The following MYRIP variants were observed in gnomAD, a reference collection of about 807,000 sequenced individuals.
The protein encoded by MYRIP is myosin VIIA and Rab interacting protein, also known as rab effector MyRIP.
MYRIP carries 49 observed loss-of-function variants against 98.0 expected under a neutral mutation model. The ratio of observed to expected loss-of-function variants is 0.50; its 90% CI spans 0.40 to 0.63. MYRIP has a LOEUF of 0.63. MYRIP is among the 30% of genes least tolerant of loss of function. The pLI is 0.00. For synonymous variants in MYRIP, 404 were observed against 409.5 expected (o/e 0.99, Z 0.16); for missense variants, 1,004 against 1,058.2 (o/e 0.95, Z 0.71).
At chr3:40,115,202 C>T (rs958145493) in intron 3 of MYRIP, among the ~76,000 whole-genome samples, 4 of 152,056 alleles carry the variant, frequency 2.6e-5, no homozygotes, top group Non-Finnish European at 4.4e-5. Flanking sequence ...ATGTCTCATT[C>T]CTACTCTCTG....
chr3:40,091,777 C>T (rs1318555122), intron 3 of MYRIP, among the ~76,000 whole-genome samples: 3 of 152,148 alleles, frequency 2.0e-5, no homozygotes, highest in Non-Finnish European at 4.4e-5. Flanking sequence ...CTGCAGGATT[C>T]TTGTCCAAGC....
chr3:39,856,712 C>A (rs1942305571), intron 1 of MYRIP, among the ~76,000 whole-genome samples: 1 of 152,168 alleles, frequency 6.6e-6, no homozygotes, highest in East Asian at 1.9e-4. Flanking sequence ...CACATGCCCA[C>A]AGAAACAACT....
Position 40,029,789 on chromosome 3 carries a change from G to C in MYRIP, c.111-14261G>C, listed in dbSNP as rs560350751. Among the ~76,000 whole-genome samples, 21 of 152,052 alleles carry C rather than the reference G, an allele frequency of 1.4e-4. 1 individual carries two copies. Among genetic ancestry groups the C allele is most frequent in the Admixed American group, 1.2e-3 (19 of 15,256 alleles). On this transcript the variant is annotated intron_variant, in intron 2 of 16. Coordinates refer to ENST00000302541, the MANE Select transcript of MYRIP (RefSeq NM_015460.4). ...TATAGAAATGGGCCACCTGGTCCTG[G>C]TGGCTCATGCCTGTAATCCCAGTGC...
intron 3 of MYRIP, among the ~76,000 whole-genome samples, chr3:40,052,227 T>C (rs1179171095): frequency 6.6e-6 from 1 of 152,118 alleles, no homozygotes; most frequent in Non-Finnish European, 1.5e-5. Context: ...ACCGAAATTC[T>C]ACTCTCTACC....
intron 3 of MYRIP, among the ~76,000 whole-genome samples, chr3:40,133,826 A>C (rs911024902): frequency 1.3e-5 from 2 of 152,348 alleles, no homozygotes; most frequent in South Asian, 4.1e-4. Flanking sequence ...TGCTATAAAG[A>C]CACCCATCTA....
At chr3:40,188,220 T>C (rs942349673) in intron 9 of MYRIP, among the ~76,000 whole-genome samples, 12 of 152,210 alleles carry the variant, frequency 7.9e-5, no homozygotes, top group Non-Finnish European at 1.8e-4. Flanking sequence ...TACAATGCTC[T>C]GTGGGCAGCA....
intron 1 of MYRIP, among the ~76,000 whole-genome samples, chr3:39,846,386 CT>C (rs1359249431): frequency 3.3e-5 from 5 of 152,224 alleles, no homozygotes; most frequent in African/African-American, 1.2e-4. Flanking sequence ...TCGTCTGACC[CT>C]GTCTCCCACC....
rs1953302314 is a variant in MYRIP, at chr3:40,249,357, G to A, written c.2263-865G>A. Reference sequence around the variant, plus strand: ...ACATCCTCTCAGACTGTGGCAATGTGACGAGAGCATGGCCACTGACATGAA... The same window carrying A: ...ACATCCTCTCAGACTGTGGCAATGTAACGAGAGCATGGCCACTGACATGAA... On this transcript the variant is annotated intron_variant, in intron 13 of 16. Transcript: ENST00000302541. Among the ~76,000 whole-genome samples, 3 of 152,174 alleles carry A rather than the reference G, an allele frequency of 2.0e-5. No individual in the cohort carries two copies. In the South Asian group the frequency reaches 6.2e-4, roughly 32 times the overall value.
In MYRIP at chr3:40,250,430, T is replaced by C. The variant is rs372439392; in HGVS notation, c.2368-9T>C. The C allele has an allele frequency of 1.5e-5, 25 of 1,614,164 alleles. No individual in the cohort carries two copies. The highest frequency in any genetic ancestry group is 2.0e-5 in the Non-Finnish European group (24 of 1,179,980). ...CAAAGGTATATTGCTCATTGTGTTC[T>C]GTTTGTAGGTACAAACCATAGATAC... On this transcript the variant is annotated splice_polypyrimidine_tract_variant and intron_variant, in intron 14 of 16. Transcript: ENST00000302541.
chr3:39,941,487 GTA>G (rs1175989699), intron 2 of MYRIP, among the ~76,000 whole-genome samples: 3 of 147,546 alleles, frequency 2.0e-5, no homozygotes, highest in Non-Finnish European at 3.0e-5. Flanking sequence ...TTTTAAAAAT[GTA>G]TGTGTGTGTG....
At position 40,182,361 on chromosome 3, in the gene MYRIP, C is replaced by T. The variant is rs756700538; in HGVS notation, c.1015C>T (p.Leu339=). ...GCCCAGCTGGAAGAGTGTGGACAGG[C>T]TGGATGAAACAAGTAACTGTTTTAA... The part of the protein sequence containing the change: ...ALPSWKSVDR[L]DETNLAPVLQ... The change falls in exon 9 of 17, where the codon CTG becomes TTG. Residue 339 remains leucine (L), a synonymous_variant. Coordinates refer to ENST00000302541, the MANE Select transcript of MYRIP (RefSeq NM_015460.4). 1 of 1,612,156 alleles carries T rather than the reference C, an allele frequency of 6.2e-7. No homozygotes were observed.
chr3:39,949,334 G>A (rs1016202726), intron 2 of MYRIP, among the ~76,000 whole-genome samples: 1 of 152,098 alleles, frequency 6.6e-6, no homozygotes, highest in Admixed American at 6.6e-5. Context: ...CCCTTGTCCT[G>A]TTAGAAATGA....
chr3:40,090,981 T>C (rs1408417596), intron 3 of MYRIP, among the ~76,000 whole-genome samples: 1 of 152,070 alleles, frequency 6.6e-6, no homozygotes, highest in Non-Finnish European at 1.5e-5. Context: ...CTTCAGGAGG[T>C]CCATATGTGT....
At chr3:40,245,522 G>A (rs967510035) in intron 13 of MYRIP, among the ~76,000 whole-genome samples, 19 of 151,530 alleles carry the variant, frequency 1.3e-4, no homozygotes, top group Admixed American at 4.6e-4. Context: ...GGTGGCGGGC[G>A]CCTGTAGTCC....
At chr3:40,240,343 C>G (rs1952968862) in intron 12 of MYRIP, among the ~76,000 whole-genome samples, 1 of 152,178 alleles carries the variant, frequency 6.6e-6, no homozygotes, top group Non-Finnish European at 1.5e-5. Context: ...GTGAGCGATG[C>G]AGAAGACGGG....
chr3:39,816,433 C>T lies in MYRIP; in HGVS notation c.-31+6517C>T, dbSNP rs550495349. On this transcript the variant is annotated intron_variant, in intron 1 of 16. Transcript: ENST00000302541. ...CAACCTATCCTGAGAGTAAACTCCC[C>T]TTGTAGGTATTTTTCTTTCTTCTCT... Among the ~76,000 whole-genome samples the T allele has an allele frequency of 2.6e-5, 4 of 152,262 alleles. No homozygotes were observed. In the South Asian group the frequency reaches 6.2e-4, roughly 24 times the overall value.
intron 1 of MYRIP, among the ~76,000 whole-genome samples, chr3:39,881,701 T>C (rs1248274390): frequency 4.6e-5 from 7 of 152,142 alleles, no homozygotes; most frequent in African/African-American, 1.7e-4. Context: ...GCTTCACCCT[T>C]TATCTTCATT....
At chr3:39,927,998 A>AT (rs1944455814) in intron 2 of MYRIP, among the ~76,000 whole-genome samples, 1 of 152,030 alleles carries the variant, frequency 6.6e-6, no homozygotes. Context: ...TATGAGAAAC[A>AT]CCCTCAACAA....
chr3:40,077,129 T>C (rs1157978798), intron 3 of MYRIP, among the ~76,000 whole-genome samples: 1 of 152,144 alleles, frequency 6.6e-6, no homozygotes, highest in African/African-American at 2.4e-5. Flanking sequence ...TCTGGCGGGT[T>C]CGTGGTCTCG....
Sources: allele counts gnomAD v4.1 joint callset (sites outside exome capture counted in the v4.1 genomes callset), GRCh38; gene constraint gnomAD v4.1.1; transcripts MANE v1.5; gene names NCBI Gene and HGNC (gene_info 2026-07-23, HGNC 2026-07-21).